The following RHOU variants were observed in gnomAD, a reference collection of about 807,000 sequenced individuals.
RHOU encodes the protein ras homolog family member U.
RHOU carries 8 observed loss-of-function variants against 12.6 expected under a neutral mutation model. The observed-to-expected ratio is 0.64, with a 90% CI of 0.37 to 1.15. The LOEUF is 1.15. RHOU is among the 50% of genes most tolerant of loss of function. RHOU has a pLI of 0.01. For missense variants in RHOU, 258 were observed against 347.0 expected, an observed-to-expected ratio of 0.74 and a Z score of 2.04; for synonymous variants, 161 against 147.4, an observed-to-expected ratio of 1.09 and a Z score of -0.67.
chr1:228,683,678 A>C, the RHOU span, among the ~76,000 whole-genome samples: 1 of 152,250 alleles, frequency 6.6e-6, no homozygotes, highest in East Asian at 1.9e-4. Context: ...ACAAATTGTA[A>C]TTGATGATGG....
At chr1:228,698,258 G>C in the RHOU span, among the ~76,000 whole-genome samples, 35,873 of 152,066 alleles carry the variant, frequency 0.24, 6,711 homozygotes, top group African/African-American at 0.52. Context: ...AATACCAAGA[G>C]TTTGAAGTAT....
chr1:228,692,548 A>T, the RHOU span, among the ~76,000 whole-genome samples: 3 of 148,686 alleles, frequency 2.0e-5, no homozygotes, highest in Non-Finnish European at 4.4e-5. Flanking sequence ...TGTGTTTCAG[A>T]TGCTACTTTT....
At chr1:228,720,376 A>G in the RHOU span, among the ~76,000 whole-genome samples, 1 of 152,260 alleles carries the variant, frequency 6.6e-6, no homozygotes, top group Non-Finnish European at 1.5e-5. Flanking sequence ...GAATTCATAT[A>G]TCCAAAATAT....
chr1:228,723,122 C>T, the RHOU span, among the ~76,000 whole-genome samples: 1 of 152,290 alleles, frequency 6.6e-6, no homozygotes, highest in Non-Finnish European at 1.5e-5. Context: ...TACTACTCAG[C>T]TCTATTTGAT....
the RHOU span, among the ~76,000 whole-genome samples, chr1:228,708,693 G>T: frequency 1.3e-5 from 2 of 151,462 alleles, no homozygotes; most frequent in East Asian, 3.9e-4. Context: ...GGTACCAGCC[G>T]CTGCAAAATC....
At chr1:228,740,465 A>G (rs892619684) in intron 2 of RHOU, among the ~76,000 whole-genome samples, 3 of 135,090 alleles carry the variant, frequency 2.2e-5, no homozygotes, top group African/African-American at 6.4e-5. Context: ...TGCTGGTAAG[A>G]TAAGTCAGTT....
chr1:228,710,681 A>G, the RHOU span, among the ~76,000 whole-genome samples: 3,976 of 150,690 alleles, frequency 0.026, 187 homozygotes, highest in African/African-American at 0.09. Flanking sequence ...AGAGCTATCT[A>G]TGACAAACCC....
the RHOU span, among the ~76,000 whole-genome samples, chr1:228,707,130 A>ATATATATATATGTG: frequency 1.8e-5 from 2 of 110,186 alleles, no homozygotes; most frequent in East Asian, 5.7e-4. Flanking sequence ...ATATATACAT[A>ATATATATATATGTG]TATATATATA....
the RHOU span, among the ~76,000 whole-genome samples, chr1:228,720,326 G>A: frequency 6.6e-6 from 1 of 152,138 alleles, no homozygotes; most frequent in Non-Finnish European, 1.5e-5. Context: ...CATAGAAGAA[G>A]TACAAGTAAG....
the RHOU span, among the ~76,000 whole-genome samples, chr1:228,661,560 C>A: frequency 3.3e-5 from 5 of 152,204 alleles, no homozygotes; most frequent in African/African-American, 1.2e-4. Context: ...ACAAACCTGG[C>A]AAAAACAATA....
the RHOU span, among the ~76,000 whole-genome samples, chr1:228,709,956 A>C: frequency 2.0e-5 from 3 of 152,262 alleles, no homozygotes; most frequent in Non-Finnish European, 4.4e-5. Context: ...AAATAGGAGC[A>C]ATAAAAAATG....
the RHOU span, among the ~76,000 whole-genome samples, chr1:228,710,162 T>A: frequency 1.3e-5 from 2 of 152,200 alleles, no homozygotes; most frequent in Non-Finnish European, 1.5e-5. Flanking sequence ...ATTGTGGCAA[T>A]AATCAATAGC....
At chr1:228,664,117 C>T in the RHOU span, among the ~76,000 whole-genome samples, 1 of 150,790 alleles carries the variant, frequency 6.6e-6, no homozygotes, top group African/African-American at 2.4e-5. Flanking sequence ...CTCTCGGGCT[C>T]GCGTGATCTC....
At chr1:228,725,900 C>T in the RHOU span, among the ~76,000 whole-genome samples, 1 of 152,154 alleles carries the variant, frequency 6.6e-6, no homozygotes. Flanking sequence ...TTCAAATCAG[C>T]AGGCACATGC....
At chr1:228,663,625 C>T in the RHOU span, among the ~76,000 whole-genome samples, 140 of 58,726 alleles carry the variant, frequency 2.4e-3, no homozygotes, top group Middle Eastern at 0.033. Context: ...CTTTTCTTTT[C>T]TTTTTTTTTT....
At chr1:228,734,840 G>A (rs929279034), upstream of RHOU, among the ~76,000 whole-genome samples, 4 of 152,090 alleles carry the variant, frequency 2.6e-5, no homozygotes, top group Non-Finnish European at 4.4e-5. Flanking sequence ...AAGGAATTGG[G>A]GGTATAAAAA....
chr1:228,706,935 A>G, the RHOU span, among the ~76,000 whole-genome samples: 7 of 151,058 alleles, frequency 4.6e-5, no homozygotes, highest in Non-Finnish European at 8.8e-5. Context: ...ACAATCTGTT[A>G]TTTCTTCCTA....
At chr1:228,671,636 G>T in the RHOU span, among the ~76,000 whole-genome samples, 2 of 136,988 alleles carry the variant, frequency 1.5e-5, no homozygotes, top group Non-Finnish European at 3.0e-5. Flanking sequence ...AGAATCACTT[G>T]AACCTAGGAG....
the RHOU span, among the ~76,000 whole-genome samples, chr1:228,716,870 A>T: frequency 1.3e-5 from 2 of 152,190 alleles, no homozygotes; most frequent in African/African-American, 4.8e-5. Context: ...TCTGAAATCC[A>T]TCATGACGAA....
Sources: allele counts gnomAD v4.1 joint callset (sites outside exome capture counted in the v4.1 genomes callset), GRCh38; gene constraint gnomAD v4.1.1; transcripts MANE v1.5; gene names NCBI Gene and HGNC (gene_info 2026-07-23, HGNC 2026-07-21).